Variants in CDH4 observed in about 807,000 individuals in gnomAD.
The protein encoded by CDH4 is cadherin 4.
In CDH4, 33 loss-of-function variants were observed where a neutral mutation model predicts 86.0. That is an observed-to-expected ratio of 0.38 (90% CI 0.29 to 0.51). The LOEUF (loss-of-function observed/expected upper bound fraction) is 0.51, where lower values mean the gene tolerates loss of function less well. CDH4 is among the 20% of genes least tolerant of loss of function. The probability of loss-of-function intolerance (pLI) is 0.86; values close to 1 mark genes in which losing one functional copy is unlikely to be tolerated. For missense variants in CDH4, 1,114 were observed against 1,307.4 expected, an observed-to-expected ratio of 0.85 and a Z score of 2.28; for synonymous variants, 555 against 549.4, an observed-to-expected ratio of 1.01 and a Z score of -0.14.
At chr20:61,735,496 C>A (rs2088251485) in intron 2 of CDH4, among the ~76,000 whole-genome samples, 1 of 152,142 alleles carries the variant, frequency 6.6e-6, no homozygotes, top group Non-Finnish European at 1.5e-5. Flanking sequence ...ACAGCCCAGC[C>A]CAATGCAGAC....
rs534254297 is a variant in CDH4, at chr20:61,775,228, C to T, written c.576+2046C>T. ...ACAAAGGCTGCCCCTGATTTGTTAC[C>T]CAGGCCAGTGGGGCAGGGGCTGAAG... On this transcript the variant is annotated intron_variant, in intron 4 of 15. Coordinates refer to ENST00000614565, the MANE Select transcript of CDH4 (RefSeq NM_001794.5). Among the ~76,000 whole-genome samples, 3 of 152,154 alleles carry T rather than the reference C, an allele frequency of 2.0e-5. No homozygotes were observed. The South Asian group carries it at 6.3e-4, about 32-fold the overall frequency.
At chr20:61,697,963 CAG>C (rs1388692619) in intron 2 of CDH4, among the ~76,000 whole-genome samples, 1 of 152,240 alleles carries the variant, frequency 6.6e-6, no homozygotes, top group Non-Finnish European at 1.5e-5. Flanking sequence ...CAGCAGAAGT[CAG>C]AGATGGAGCC....
intron 4 of CDH4, among the ~76,000 whole-genome samples, chr20:61,814,041 A>C (rs993509320): frequency 1.6e-4 from 24 of 152,188 alleles, no homozygotes; most frequent in African/African-American, 5.5e-4. Flanking sequence ...TGTTCCAGGC[A>C]CATCCAGGCC....
intron 3 of CDH4, among the ~76,000 whole-genome samples, chr20:61,759,526 A>G (rs2088606592): frequency 6.6e-6 from 1 of 152,182 alleles, no homozygotes; most frequent in South Asian, 2.1e-4. Context: ...CGTCTTCCCG[A>G]ATCACACACG....
chr20:61,371,961 A>G (rs1179224317), intron 2 of CDH4, among the ~76,000 whole-genome samples: 1 of 152,148 alleles, frequency 6.6e-6, no homozygotes, highest in African/African-American at 2.4e-5. Context: ...GACCCAGAGT[A>G]ATGTTTAATG....
At chr20:61,629,693 T>C (rs2145786054) in intron 2 of CDH4, among the ~76,000 whole-genome samples, 1 of 152,240 alleles carries the variant, frequency 6.6e-6, no homozygotes, top group Admixed American at 6.5e-5. Flanking sequence ...TGGAGAAGAA[T>C]CTAGGAGCCC....
intron 2 of CDH4, among the ~76,000 whole-genome samples, chr20:61,569,975 T>G (rs1382580634): frequency 6.6e-6 from 1 of 152,186 alleles, no homozygotes; most frequent in African/African-American, 2.4e-5. Flanking sequence ...GGTAAAACAC[T>G]CCTCTCTTTA....
chr20:61,780,872 G>A (rs940735733), intron 4 of CDH4, among the ~76,000 whole-genome samples: 5 of 152,190 alleles, frequency 3.3e-5, no homozygotes, highest in African/African-American at 1.2e-4. Context: ...AGCCACAGAC[G>A]TGCTGGTCAC....
chr20:61,908,358 C>G (rs930219919), intron 8 of CDH4, among the ~76,000 whole-genome samples: 1 of 152,164 alleles, frequency 6.6e-6, no homozygotes, highest in Non-Finnish European at 1.5e-5. Flanking sequence ...CAGGGACAGT[C>G]GCCATCTGTA....
intron 7 of CDH4, among the ~76,000 whole-genome samples, chr20:61,881,287 G>A (rs1257282123): frequency 6.6e-6 from 1 of 152,270 alleles, no homozygotes; most frequent in African/African-American, 2.4e-5. Context: ...CGCTGCGAAG[G>A]GAGGGGAGAC....
chr20:61,275,527 C>T lies in CDH4; in HGVS notation c.169+20590C>T, dbSNP rs1379199347. On this transcript the variant is annotated intron_variant, in intron 2 of 15. Transcript: ENST00000614565. Reference sequence around the variant, plus strand: ...GTGTGCAGTTTGGGGGAGTACCATGCACAGTTTGGGGGAGTACCCTGCGCA... The same window carrying T: ...GTGTGCAGTTTGGGGGAGTACCATGTACAGTTTGGGGGAGTACCCTGCGCA... Among the ~76,000 whole-genome samples the T allele has an allele frequency of 1.9e-4, 14 of 75,132 alleles. 1 individual carries two copies. The highest frequency in any genetic ancestry group is 7.2e-4 in the Admixed American group (4 of 5,524). The allele number at this position is 75,132 out of a possible 152,430, so 49.3% of individuals were successfully genotyped here.
At chr20:61,620,222 G>A (rs934770934) in intron 2 of CDH4, among the ~76,000 whole-genome samples, 3 of 138,054 alleles carry the variant, frequency 2.2e-5, no homozygotes, top group African/African-American at 8.3e-5. Context: ...AGGCAGGCTG[G>A]TAGGCAGACA....
chr20:61,347,243 C>G (rs1028140101), intron 2 of CDH4, among the ~76,000 whole-genome samples: 1 of 152,190 alleles, frequency 6.6e-6, no homozygotes, highest in Non-Finnish European at 1.5e-5. Context: ...GGTGACAGCC[C>G]GTGCCGCTGC....
At chr20:61,824,029 A>G (rs929477908) in intron 4 of CDH4, among the ~76,000 whole-genome samples, 3 of 152,192 alleles carry the variant, frequency 2.0e-5, no homozygotes, top group African/African-American at 7.2e-5. Flanking sequence ...TGCCACTGTT[A>G]AACACGTCAG....
At chr20:61,667,989 T>C (rs1245193538) in intron 2 of CDH4, among the ~76,000 whole-genome samples, 1 of 152,218 alleles carries the variant, frequency 6.6e-6, no homozygotes, top group East Asian at 1.9e-4. Flanking sequence ...GTAAGTGCTC[T>C]TGAGAGGCTG....
chr20:61,258,186 C>T (rs1186322912), intron 2 of CDH4, among the ~76,000 whole-genome samples: 1 of 151,800 alleles, frequency 6.6e-6, no homozygotes, highest in South Asian at 2.1e-4. Context: ...AAAAATTAGC[C>T]GGGCGCGGTG....
chr20:61,634,650 T>A (rs2086928612), intron 2 of CDH4, among the ~76,000 whole-genome samples: 1 of 152,226 alleles, frequency 6.6e-6, no homozygotes, highest in African/African-American at 2.4e-5. Flanking sequence ...GGAGCTTTTT[T>A]CCCACTGTGG....
intron 2 of CDH4, among the ~76,000 whole-genome samples, chr20:61,507,599 C>T (rs2085750314): frequency 1.3e-5 from 2 of 152,210 alleles, no homozygotes; most frequent in South Asian, 4.2e-4. Context: ...AAAAGGGTAC[C>T]TCCTACAAAA....
intron 2 of CDH4, among the ~76,000 whole-genome samples, chr20:61,705,141 G>A (rs1411327337): frequency 6.6e-6 from 1 of 152,226 alleles, no homozygotes; most frequent in East Asian, 1.9e-4. Context: ...CCTAGACCTA[G>A]CAGACTTCCT....
Sources: gnomAD v4.1 joint callset for allele counts (sites outside exome capture counted in the v4.1 genomes callset) on GRCh38, gnomAD v4.1.1 for gene constraint, MANE v1.5 for transcripts, NCBI Gene and HGNC (gene_info 2026-07-23, HGNC 2026-07-21) for gene names.